DOP1B: variants seen among roughly 807,000 people sequenced by gnomAD.
DOP1B encodes the protein DOP1 leucine zipper like protein B, also known as protein DOP1B.
A neutral mutation model predicts 233.5 loss-of-function variants in DOP1B; 174 were observed. The ratio of observed to expected loss-of-function variants is 0.75; its 90% CI spans 0.66 to 0.85. The LOEUF (loss-of-function observed/expected upper bound fraction) is 0.85. Ranked by LOEUF, DOP1B falls within the 40% of genes least tolerant of loss-of-function variation. The pLI, the probability that DOP1B is intolerant of heterozygous loss-of-function variation, is 0.00. For missense variants in DOP1B, 2,652 were observed against 2,846.6 expected (o/e 0.93, Z 1.56); for synonymous variants, 1,190 against 1,185.6 (o/e 1.00, Z -0.08).
intron 35 of DOP1B, among the ~76,000 whole-genome samples, chr21:36,291,032 G>C (rs1436243298): frequency 1.3e-5 from 2 of 151,808 alleles, no homozygotes; most frequent in East Asian, 1.9e-4. Flanking sequence ...GGGAGGCCGA[G>C]GCAGGCGGAT....
At position 36,211,544 on chromosome 21, in the gene DOP1B, C is replaced by A; in HGVS notation, c.682-9C>A. 1 of 1,612,808 alleles carries A rather than the reference C, an allele frequency of 6.2e-7. No homozygotes were observed. The highest frequency in any genetic ancestry group is 1.1e-5 in the South Asian group (1 of 90,976). ...CCTGAAAATGCTAGTGCCGTTTGAT[C>A]GTTTACAGGTGAAGTCTTTGCGTGC... On this transcript the variant is annotated splice_polypyrimidine_tract_variant and intron_variant, in intron 5 of 36. Transcript: ENST00000691173.
chr21:36,158,779 G>A lies in DOP1B; in HGVS notation c.-27+1836G>A, dbSNP rs1331115925. 7.6e-5 allele frequency among the ~76,000 whole-genome samples: 11 copies of A among 144,226 alleles called. No homozygotes were observed. The Admixed American group carries it at 7.9e-4, about 10-fold the overall frequency. 94.6% of individuals were successfully genotyped at this position (144,226 alleles called of 152,430 possible). On this transcript the variant is annotated intron_variant, in intron 1 of 36. Coordinates refer to ENST00000691173, the MANE Select transcript of DOP1B (RefSeq NM_001320714.2). Reference sequence around the variant, plus strand: ...AATGGCGCCACTGCACTCCAGCATGGCGACAGAGCGAGACTCTTGTCTCAA... The same window carrying A: ...AATGGCGCCACTGCACTCCAGCATGACGACAGAGCGAGACTCTTGTCTCAA...
Position 36,229,342 on chromosome 21 carries a change from C to T in DOP1B, c.1666-1108C>T, listed in dbSNP as rs144491872. ...GGGAAAAAGAGTCTGTCTCATGCCT[C>T]CCCCGAGCTTCTGGTGGTTTGCTGG... is the stretch of plus-strand genomic sequence containing the variant. On this transcript the variant is annotated intron_variant, in intron 13 of 36. Transcript: ENST00000691173. 1.4e-3 allele frequency among the ~76,000 whole-genome samples: 210 copies of T among 152,280 alleles called. 1 individual carries two copies. The East Asian group carries it at 0.02, about 14-fold the overall frequency.
intron 2 of DOP1B, chr21:36,169,948 G>A (rs945170343): frequency 1.3e-6 from 1 of 769,212 alleles, no homozygotes; most frequent in African/African-American, 1.7e-5. Context: ...TGTCTCCACA[G>A]TAGTCATGGC....
intron 9 of DOP1B, among the ~76,000 whole-genome samples, chr21:36,217,866 A>G (rs186466571): frequency 1.3e-5 from 2 of 152,388 alleles, no homozygotes; most frequent in East Asian, 1.9e-4. Context: ...AGAAGAAAAT[A>G]TAACTTAGCA....
intron 2 of DOP1B, among the ~76,000 whole-genome samples, chr21:36,170,957 A>G (rs1204434958): frequency 6.6e-6 from 1 of 152,198 alleles, no homozygotes; most frequent in Non-Finnish European, 1.5e-5. Flanking sequence ...TACGGTTGGG[A>G]CAAAGGTGAT....
At chr21:36,170,855 T>C (rs961649178) in intron 2 of DOP1B, among the ~76,000 whole-genome samples, 5 of 151,312 alleles carry the variant, frequency 3.3e-5, no homozygotes, top group African/African-American at 1.2e-4. Flanking sequence ...AGGATTCCCA[T>C]CCCAAGGGTC....
chr21:36,200,243 G>T (rs753386044), intron 3 of DOP1B, 88 bp from the exon 4 acceptor site: 94 of 1,478,766 alleles, frequency 6.4e-5, no homozygotes, highest in Non-Finnish European at 9.9e-6. Context: ...CTGTTTGCTT[G>T]TGAAAACTCC....
At chr21:36,235,702 TG>T (rs1351507982) in intron 15 of DOP1B, among the ~76,000 whole-genome samples, 1 of 152,108 alleles carries the variant, frequency 6.6e-6, no homozygotes, top group Non-Finnish European at 1.5e-5. Flanking sequence ...CACTCCAGCC[TG>T]GGGCACATAG....
Position 36,208,829 on chromosome 21 carries a change from C to T in DOP1B, c.606C>T (p.Phe202=), listed in dbSNP as rs747714952. 13 of 1,600,996 alleles carry T rather than the reference C, an allele frequency of 8.1e-6. No homozygotes were observed. The highest frequency in any genetic ancestry group is 1.1e-5 in the South Asian group (1 of 89,066). The change falls in exon 5 of 37, where the codon TTC becomes TTT. Residue 202 remains phenylalanine (F), a synonymous_variant. Coordinates refer to ENST00000691173, the MANE Select transcript of DOP1B (RefSeq NM_001320714.2). The stretch of plus-strand genomic sequence containing the variant: ...CCATCCGCCTCCCTGCCTCAGTCTT[C>T]GTGGTGGGCCACATCAACAGGGATG... ...SPSIRLPASV[F]VVGHINRDAP...
chr21:36,164,509 T>C lies in DOP1B; in HGVS notation c.-26-199T>C, dbSNP rs539130615. ...TCCTGTTTCCTGTTCTCCCCCAGAATCCACGAGGGCGGGAACTATTTATCT... is the reference window on the plus strand; with the variant it reads ...TCCTGTTTCCTGTTCTCCCCCAGAACCCACGAGGGCGGGAACTATTTATCT... On this transcript the variant is annotated intron_variant, in intron 1 of 36. Transcript: ENST00000691173. 21 of 328,002 alleles carry C rather than the reference T, an allele frequency of 6.4e-5. No individual in the cohort carries two copies. The South Asian group carries it at 1.5e-3, about 23-fold the overall frequency. 20.3% of individuals were successfully genotyped at this position (328,002 alleles called of 1,614,324 possible).
intron 15 of DOP1B, among the ~76,000 whole-genome samples, chr21:36,233,393 C>T (rs2066789893): frequency 6.6e-6 from 1 of 152,200 alleles, no homozygotes; most frequent in South Asian, 2.1e-4. Flanking sequence ...GATTTAGCCT[C>T]TGCCACATCC....
chr21:36,284,795 A>AAT (rs1270571463), intron 32 of DOP1B, among the ~76,000 whole-genome samples: 1 of 151,312 alleles, frequency 6.6e-6, no homozygotes, highest in Non-Finnish European at 1.5e-5. Context: ...AATATAATAG[A>AAT]ATATATATAT....
At chr21:36,231,303 A>G (rs530909112) in intron 14 of DOP1B, among the ~76,000 whole-genome samples, 169 bp downstream of exon 14, 1 of 152,342 alleles carries the variant, frequency 6.6e-6, no homozygotes, top group African/African-American at 2.4e-5. Flanking sequence ...CAGCATTCCT[A>G]ATCCAGAAAT....
At chr21:36,242,244 G>A (rs2066901528) in intron 18 of DOP1B, among the ~76,000 whole-genome samples, 2 of 151,164 alleles carry the variant, frequency 1.3e-5, no homozygotes, top group Admixed American at 6.6e-5. Flanking sequence ...GTGATCCCAA[G>A]TCACTGCAGT....
rs1411282266 is a variant in DOP1B, at chr21:36,232,996, G to T, written c.2543G>T (p.Gly848Val). 2 of 1,613,942 alleles carry T rather than the reference G, an allele frequency of 1.2e-6. No homozygotes were observed. The highest frequency in any genetic ancestry group is 8.5e-7 in the Non-Finnish European group (1 of 1,179,968). ...AGCTCTGGACACAACCCTTTTTTTG[G>T]CAAGCTGCAGATGGTGACGGTTCCT... ...YKSSGHNPFFGKLQMVTVPPI... is the reference protein window; with the variant it reads ...YKSSGHNPFFVKLQMVTVPPI... The change falls in exon 15 of 37, where the codon GGC (glycine) becomes GTC (valine). Residue 848 changes from glycine to valine, a missense_variant. Gly to Val is a moderately radical substitution (Grantham distance 109). Transcript: ENST00000691173.
chr21:36,267,274 AC>A (rs1167945324), intron 26 of DOP1B, among the ~76,000 whole-genome samples: 2 of 152,248 alleles, frequency 1.3e-5, no homozygotes, highest in African/African-American at 4.8e-5. Flanking sequence ...TAACTTACTG[AC>A]CTTTATTTCT....
Position 36,260,737 on chromosome 21 carries a change from T to C in DOP1B, c.5315+5T>C, listed in dbSNP as rs747679874. 6 of 1,613,908 alleles carry C rather than the reference T, an allele frequency of 3.7e-6. No homozygotes were observed. The African/African-American group carries it at 8.0e-5, about 22-fold the overall frequency. ...TTGCTATGCTTTTCTCCAAAGGTAA[T>C]ACAGTCCCCCGTCCTCCAAAAACTT... is the stretch of plus-strand genomic sequence containing the variant. On this transcript the variant is annotated splice_donor_5th_base_variant and intron_variant, in intron 24 of 36. Transcript: ENST00000691173.
intron 15 of DOP1B, among the ~76,000 whole-genome samples, chr21:36,234,028 A>AT (rs1179293654): frequency 4.6e-5 from 7 of 151,804 alleles, no homozygotes; most frequent in African/African-American, 1.7e-4. Flanking sequence ...TAATTTTTGT[A>AT]TTTTTAGTAG....
Sources: allele counts gnomAD v4.1 joint callset (sites outside exome capture counted in the v4.1 genomes callset), GRCh38; gene constraint gnomAD v4.1.1; transcripts MANE v1.5; gene names NCBI Gene and HGNC (gene_info 2026-07-23, HGNC 2026-07-21).